The following TMED3 variants were observed in gnomAD, a reference collection of about 807,000 sequenced individuals.
TMED3 encodes transmembrane p24 trafficking protein 3, also known as transmembrane emp24 domain-containing protein 3.
TMED3 carries 9 observed loss-of-function variants against 15.0 expected under a neutral mutation model. The observed-to-expected ratio is 0.60, with a 90% confidence interval of 0.36 to 1.04. TMED3 has a LOEUF of 1.04. Among genes scored for constraint, TMED3 ranks in the 50% least tolerant of loss-of-function variants. The probability of loss-of-function intolerance (pLI) is 0.01; values close to 1 mark genes in which losing one functional copy is unlikely to be tolerated. For synonymous variants in TMED3, 117 were observed against 121.4 expected (o/e 0.96, Z 0.24); for missense variants, 267 against 278.9 (o/e 0.96, Z 0.30).
chr15:79,375,808 G>T (rs1163379276), intron 2 of TMED3, among the ~76,000 whole-genome samples: 3 of 152,182 alleles, frequency 2.0e-5, no homozygotes, highest in African/African-American at 7.2e-5. Context: ...TTCAGCATGA[G>T]ACTTGGGCAG....
chr15:79,400,411 A>T (rs1893818311), intron 2 of TMED3, among the ~76,000 whole-genome samples: 1 of 152,240 alleles, frequency 6.6e-6, no homozygotes, highest in Non-Finnish European at 1.5e-5. Flanking sequence ...GGCACCATAG[A>T]GGCAGGGATA....
At chr15:79,384,998 G>A (rs1019981072) in intron 2 of TMED3, among the ~76,000 whole-genome samples, 1 of 152,186 alleles carries the variant, frequency 6.6e-6, no homozygotes, top group African/African-American at 2.4e-5. Context: ...GGACTGATTA[G>A]GGAAACAACT....
intron 2 of TMED3, among the ~76,000 whole-genome samples, chr15:79,364,489 C>T (rs1259016497): frequency 1.3e-5 from 2 of 151,962 alleles, no homozygotes; most frequent in Admixed American, 6.5e-5. Context: ...CCCCACCCCT[C>T]GAGCCTGGAG....
intron 2 of TMED3, among the ~76,000 whole-genome samples, chr15:79,395,090 C>A (rs537615454): frequency 6.6e-6 from 1 of 152,166 alleles, no homozygotes; most frequent in Admixed American, 6.5e-5. Context: ...TTCTTCTCTG[C>A]CTTCTGTTGG....
chr15:79,387,241 G>T (rs565279618), intron 2 of TMED3, among the ~76,000 whole-genome samples: 3 of 151,926 alleles, frequency 2.0e-5, no homozygotes, highest in Non-Finnish European at 4.4e-5. Flanking sequence ...AGAAAGTAAG[G>T]GTCCAATTTT....
At chr15:79,377,644 CTTTTTTTTTT>C (rs71150905) in intron 2 of TMED3, among the ~76,000 whole-genome samples, 2 of 123,608 alleles carry the variant, frequency 1.6e-5, no homozygotes, top group South Asian at 2.6e-4. Flanking sequence ...ACAAACCGTT[CTTTTTTTTTT>C]TTTTTTTTTT....
intron 2 of TMED3, among the ~76,000 whole-genome samples, chr15:79,315,666 T>C (rs2058737494): frequency 6.6e-6 from 1 of 152,160 alleles, no homozygotes; most frequent in Non-Finnish European, 1.5e-5. Context: ...GATTTATGCT[T>C]CCCTTTTCTT....
chr15:79,311,561 TGACTTCCCCGTGA>T lies in TMED3; in HGVS notation c.168+146_168+158del, dbSNP rs1210187417. 7.8e-6 allele frequency: 8 copies of T among 1,028,740 alleles called. No individual in the cohort carries two copies. The East Asian group carries it at 2.2e-4, about 29-fold the overall frequency. 63.7% of individuals were successfully genotyped at this position (1,028,740 alleles called of 1,614,324 possible). On this transcript the variant is annotated intron_variant, in intron 1 of 2. Coordinates refer to ENST00000299705, the MANE Select transcript of TMED3 (RefSeq NM_007364.4). ...GGGGTGGGAGTCCCCGGAGACCAGT[TGACTTCCCCGTGA>T]GGAGGAAGGTTTGGGTCATCAGGGC...
chr15:79,402,996 A>C (rs1893853927), intron 2 of TMED3, among the ~76,000 whole-genome samples: 1 of 151,874 alleles, frequency 6.6e-6, no homozygotes, highest in South Asian at 2.1e-4. Context: ...AGGCGTGTGG[A>C]TAACTTGAGG....
exon 3 of TMED3, chr15:79,412,138 C>T (rs938063316): frequency 6.6e-6 from 1 of 151,564 alleles, no homozygotes; most frequent in African/African-American, 2.4e-5. Flanking sequence ...AGCTCCAGCA[C>T]AGCAGCCCCT....
At chr15:79,365,866 T>C (rs1322668135) in intron 2 of TMED3, among the ~76,000 whole-genome samples, 1 of 152,212 alleles carries the variant, frequency 6.6e-6, no homozygotes, top group Non-Finnish European at 1.5e-5. Flanking sequence ...GGTCCCTCCA[T>C]ATCTGAGGTC....
At chr15:79,409,502 A>G (rs536279432) in intron 2 of TMED3, among the ~76,000 whole-genome samples, 6 of 152,320 alleles carry the variant, frequency 3.9e-5, no homozygotes, top group Middle Eastern at 6.8e-3. Flanking sequence ...AGTTCATGCA[A>G]ATGGGCCCGC....
At chr15:79,323,617 G>A (rs1208690500), downstream of TMED3, among the ~76,000 whole-genome samples, 1 of 152,200 alleles carries the variant, frequency 6.6e-6, no homozygotes, top group East Asian at 1.9e-4. Flanking sequence ...CTTCTGGAAT[G>A]TTCTCTACCT....
intron 2 of TMED3, among the ~76,000 whole-genome samples, chr15:79,338,137 ATATATAGT>A: frequency 6.6e-6 from 1 of 152,256 alleles, no homozygotes; most frequent in Admixed American, 6.5e-5. Flanking sequence ...TTCATGTATA[ATATATAGT>A]AAAATTATAA....
At chr15:79,359,318 C>T (rs1344418908) in intron 2 of TMED3, among the ~76,000 whole-genome samples, 1 of 151,084 alleles carries the variant, frequency 6.6e-6, no homozygotes, top group African/African-American at 2.4e-5. Flanking sequence ...CTGCAACCTC[C>T]GCCTCCCAGG....
In TMED3 at chr15:79,403,220, C is replaced by CAAAAAA. The variant is rs71150908; in HGVS notation, c.418-8156_418-8151dup. 2.9e-4 allele frequency among the ~76,000 whole-genome samples: 19 copies of CAAAAAA among 65,422 alleles called. 1 individual carries two copies. Among genetic ancestry groups the CAAAAAA allele is most frequent in the African/African-American group, 1.3e-3 (17 of 13,068 alleles). 42.9% of individuals were successfully genotyped at this position (65,422 alleles called of 152,430 possible). A position where few individuals can be genotyped will look rare whatever the true frequency, so the allele number is the denominator to read the frequency against. ...CCTGGGTGACAGCGGGACTCTGTCT[C>CAAAAAA]AAAAAAAAAAAAAAAAAAAAAAAAA... On this transcript the variant is annotated intron_variant, in intron 2 of 2. Transcript: ENST00000424155.
At chr15:79,380,775 C>T (rs1436731831) in intron 2 of TMED3, among the ~76,000 whole-genome samples, 1 of 152,026 alleles carries the variant, frequency 6.6e-6, no homozygotes, top group Non-Finnish European at 1.5e-5. Context: ...AACATAGGCT[C>T]CGATGTCTCA....
At chr15:79,319,655 C>T (rs1005369368) in intron 2 of TMED3, among the ~76,000 whole-genome samples, 3 of 152,064 alleles carry the variant, frequency 2.0e-5, no homozygotes, top group Non-Finnish European at 2.9e-5. Context: ...CTGGTAGTGG[C>T]CCCGAATGCC....
chr15:79,351,842 C>T (rs1307001575), intron 2 of TMED3, among the ~76,000 whole-genome samples: 1 of 152,086 alleles, frequency 6.6e-6, no homozygotes, highest in Non-Finnish European at 1.5e-5. Flanking sequence ...TCTCAATCAA[C>T]AAGTGGATAA....
Sources: allele counts gnomAD v4.1 joint callset (sites outside exome capture counted in the v4.1 genomes callset), GRCh38; gene constraint gnomAD v4.1.1; transcripts MANE v1.5; gene names NCBI Gene and HGNC (gene_info 2026-07-23, HGNC 2026-07-21).